The following PLCL2 variants were observed in gnomAD, a reference collection of about 807,000 sequenced individuals.
PLCL2 encodes the protein phospholipase C like 2.
In PLCL2, 4 loss-of-function variants were observed where a neutral mutation model predicts 79.6. That is an observed-to-expected ratio of 0.05 (90% confidence interval 0.02 to 0.11). The LOEUF (loss-of-function observed/expected upper bound fraction) is 0.11. Among genes scored for constraint, PLCL2 ranks in the 10% least tolerant of loss-of-function variants. The pLI is 1.00. For missense variants in PLCL2, 895 were observed against 1,291.0 expected (o/e 0.69, Z 4.70); for synonymous variants, 484 against 457.7 (o/e 1.06, Z -0.73).
intron 1 of PLCL2, among the ~76,000 whole-genome samples, chr3:16,974,898 T>C (rs1195947311): frequency 6.7e-6 from 1 of 149,974 alleles, no homozygotes; most frequent in African/African-American, 2.5e-5. Context: ...TGAGTGTATG[T>C]AGAGGGGAAG....
At chr3:16,932,066 C>G (rs1697414605) in intron 1 of PLCL2, among the ~76,000 whole-genome samples, 1 of 152,130 alleles carries the variant, frequency 6.6e-6, no homozygotes, top group African/African-American at 2.4e-5. Context: ...ACACTGGCAC[C>G]CTGATCTCAC....
At position 16,910,762 on chromosome 3, in the gene PLCL2, C is replaced by T. The variant is rs186825520; in HGVS notation, c.327+25396C>T. 2.0e-4 allele frequency among the ~76,000 whole-genome samples: 31 copies of T among 152,154 alleles called. No individual in the cohort carries two copies. The East Asian group carries it at 5.6e-3, about 28-fold the overall frequency. ...TTTTCATATCTGAAACACAACCCCCCCTTTTCCCCACCCAGCCTGCTCCAT... is the reference window on the plus strand; with the variant it reads ...TTTTCATATCTGAAACACAACCCCCTCTTTTCCCCACCCAGCCTGCTCCAT... On this transcript the variant is annotated intron_variant, in intron 1 of 5. Coordinates refer to ENST00000615277, the MANE Select transcript of PLCL2 (RefSeq NM_001144382.2).
At chr3:16,931,432 C>G (rs1697389913) in intron 1 of PLCL2, among the ~76,000 whole-genome samples, 1 of 152,074 alleles carries the variant, frequency 6.6e-6, no homozygotes. Context: ...TCTCCTCTCC[C>G]TTAGAAAAAA....
At position 16,977,722 on chromosome 3, in the gene PLCL2, T is replaced by C. The variant is rs542463693; in HGVS notation, c.328-31952T>C. On this transcript the variant is annotated intron_variant, in intron 1 of 5. Transcript: ENST00000615277. ...AGCCTCCAGTAGTCCTTTTGTATTA[T>C]GTTTGATACATGCTTAGTTTGCCCA... 2.0e-4 allele frequency among the ~76,000 whole-genome samples: 30 copies of C among 152,328 alleles called. No individual in the cohort carries two copies. In the South Asian group the frequency reaches 6.2e-3, roughly 32 times the overall value.
intron 4 of PLCL2, among the ~76,000 whole-genome samples, chr3:17,049,014 G>C (rs533315598): frequency 6.6e-6 from 1 of 151,734 alleles, no homozygotes; most frequent in Non-Finnish European, 1.5e-5. Flanking sequence ...CATAAGGACT[G>C]TTCTAAAAAA....
In PLCL2 at chr3:16,887,874, A is replaced by G. The variant is rs1559476025; in HGVS notation, c.327+2508A>G. Reference sequence around the variant, plus strand: ...AGTGACATCTTTCCTTGGTTTCCTTATTTTTTTTAATATAAGGGATGAATG... The same window carrying G: ...AGTGACATCTTTCCTTGGTTTCCTTGTTTTTTTTAATATAAGGGATGAATG... On this transcript the variant is annotated intron_variant, in intron 1 of 5. Coordinates refer to ENST00000615277, the MANE Select transcript of PLCL2 (RefSeq NM_001144382.2). The surrounding 1 kb of genome is among the most constrained non-coding windows in gnomAD (Gnocchi z 4.1). Among the ~76,000 whole-genome samples the G allele has an allele frequency of 6.6e-6, 1 of 151,852 alleles. No individual in the cohort carries two copies. The highest frequency in any genetic ancestry group is 1.9e-4 in the East Asian group (1 of 5,198).
In PLCL2 at chr3:17,089,856, C is replaced by G. The variant is rs1225418351; in HGVS notation, c.3328C>G (p.Pro1110Ala). Residue 1110 changes from proline (P) to alanine (A), a missense_variant, in exon 6 of 6, where the codon CCA (proline) becomes GCA (alanine). Pro to Ala is a conservative substitution (Grantham distance 27). This residue lies in a region of PLCL2 where 298 missense variants were observed against 459.6 expected (regional missense o/e 0.65). Transcript: ENST00000615277. ...CACCGAAAATGCTGATGTCCAGAAG[C>G]CACGCCGGAGCTTGGAAGTCATACC... ...PGTENADVQK[P>A]RRSLEVIPEK... 2 of 1,613,944 alleles carry G rather than the reference C, an allele frequency of 1.2e-6. No homozygotes were observed. The highest frequency in any genetic ancestry group is 3.3e-5 in the Admixed American group (2 of 59,996).
intron 1 of PLCL2, among the ~76,000 whole-genome samples, chr3:16,905,196 C>T (rs1198456912): frequency 6.6e-6 from 1 of 152,128 alleles, no homozygotes; most frequent in Middle Eastern, 3.2e-3. Flanking sequence ...ACAGAAGGCC[C>T]CAGGGTGTGT....
intron 3 of PLCL2, among the ~76,000 whole-genome samples, chr3:17,031,205 T>C (rs764889714): frequency 1.4e-4 from 21 of 152,158 alleles, no homozygotes; most frequent in Non-Finnish European, 2.4e-4. Context: ...CTACCCTCCA[T>C]TCAGGATGTA....
At chr3:17,069,014 G>A (rs531642883) in intron 5 of PLCL2, among the ~76,000 whole-genome samples, 4 of 152,252 alleles carry the variant, frequency 2.6e-5, no homozygotes, top group East Asian at 1.9e-4. Context: ...CCTTTCACCC[G>A]CTGAAGCTGC....
intron 1 of PLCL2, among the ~76,000 whole-genome samples, chr3:16,991,770 A>G (rs1302929982): frequency 6.6e-6 from 1 of 152,224 alleles, no homozygotes; most frequent in East Asian, 1.9e-4. Flanking sequence ...AAGTACAACT[A>G]AATTACTTAA....
chr3:16,907,936 A>AT (rs201634739), intron 1 of PLCL2, among the ~76,000 whole-genome samples: 7 of 151,600 alleles, frequency 4.6e-5, no homozygotes, highest in African/African-American at 9.7e-5. Flanking sequence ...TGAATCTTTA[A>AT]TTTTTTTTTA....
intron 1 of PLCL2, among the ~76,000 whole-genome samples, chr3:16,996,504 T>C (rs2064154732): frequency 6.6e-6 from 1 of 152,110 alleles, no homozygotes; most frequent in African/African-American, 2.4e-5. Flanking sequence ...ATTAATAAAT[T>C]TGAGCTATAT....
chr3:16,899,476 G>A (rs1696568339), intron 1 of PLCL2, among the ~76,000 whole-genome samples: 1 of 152,148 alleles, frequency 6.6e-6, no homozygotes, highest in Admixed American at 6.5e-5. Flanking sequence ...CACTAGTTGG[G>A]GAGCTGGCCT....
At chr3:17,070,600 G>GT (rs1003519041) in intron 5 of PLCL2, among the ~76,000 whole-genome samples, 45 of 151,300 alleles carry the variant, frequency 3.0e-4, no homozygotes, top group African/African-American at 7.3e-4. Flanking sequence ...GTAGAATGGG[G>GT]TTTTTTTTTC....
chr3:17,030,164 C>T (rs142103440), intron 3 of PLCL2, among the ~76,000 whole-genome samples: 54 of 152,088 alleles, frequency 3.6e-4, no homozygotes, highest in African/African-American at 1.2e-3. Context: ...TGGCCTTAAG[C>T]GATCCTCCAA....
intron 1 of PLCL2, among the ~76,000 whole-genome samples, chr3:16,963,058 A>G (rs999661850): frequency 1.3e-5 from 2 of 152,122 alleles, no homozygotes; most frequent in African/African-American, 2.4e-5. Context: ...CATGAAAAGC[A>G]GTAAGGAATA....
intron 1 of PLCL2, among the ~76,000 whole-genome samples, chr3:16,928,434 G>A (rs1402263110): frequency 6.6e-6 from 1 of 152,210 alleles, no homozygotes; most frequent in Non-Finnish European, 1.5e-5. Context: ...GTCCTCCAGG[G>A]ATGAGAAGCT....
At chr3:17,032,704 G>C (rs1037313694) in intron 3 of PLCL2, among the ~76,000 whole-genome samples, 2 of 152,148 alleles carry the variant, frequency 1.3e-5, no homozygotes, top group East Asian at 3.8e-4. Flanking sequence ...GTGGAAAGTA[G>C]GAACCAAAGG....
Sources: gnomAD v4.1 joint callset for allele counts (sites outside exome capture counted in the v4.1 genomes callset) on GRCh38, gnomAD v4.1.1 for gene constraint, gnomAD v4.1.1 regional missense constraint, Gnocchi (gnomAD v3.1) non-coding constraint, MANE v1.5 for transcripts, NCBI Gene and HGNC (gene_info 2026-07-23, HGNC 2026-07-21) for gene names.